Variants in SPTY2D1 observed in about 807,000 individuals in gnomAD.
SPTY2D1 encodes the protein protein SPT2 homolog.
In SPTY2D1, 21 loss-of-function variants were observed where a neutral mutation model predicts 64.0. The observed-to-expected ratio is 0.33, with a 90% CI of 0.23 to 0.47. The LOEUF (loss-of-function observed/expected upper bound fraction) is 0.47, where lower values mean the gene tolerates loss of function less well. Among genes scored for constraint, SPTY2D1 ranks in the 20% least tolerant of loss-of-function variants. SPTY2D1 has a pLI of 1.00. For missense variants in SPTY2D1, 724 were observed against 837.2 expected, an observed-to-expected ratio of 0.86 and a Z score of 1.67; for synonymous variants, 287 against 286.8, an observed-to-expected ratio of 1.00 and a Z score of -0.01.
chr11:18,619,456 TAAAAAAAAAA>T (rs562811444), intron 1 of SPTY2D1, among the ~76,000 whole-genome samples: 6 of 114,626 alleles, frequency 5.2e-5, no homozygotes, highest in African/African-American at 1.6e-4. Context: ...CTCATCTCTT[TAAAAAAAAAA>T]AAAAAAAAAA....
chr11:18,624,729 T>G (rs1377956869), intron 1 of SPTY2D1, among the ~76,000 whole-genome samples: 1 of 152,248 alleles, frequency 6.6e-6, no homozygotes, highest in Non-Finnish European at 1.5e-5. Flanking sequence ...CCAGGCGTGA[T>G]GGCTCACGTC....
At chr11:18,626,713 A>G (rs893652877) in intron 1 of SPTY2D1, among the ~76,000 whole-genome samples, 2 of 152,350 alleles carry the variant, frequency 1.3e-5, no homozygotes, top group East Asian at 1.9e-4. Flanking sequence ...ATGATGATTA[A>G]ATTAATATAT....
chr11:18,625,369 T>A (rs1190888704), intron 1 of SPTY2D1, among the ~76,000 whole-genome samples: 1 of 152,204 alleles, frequency 6.6e-6, no homozygotes, highest in African/African-American at 2.4e-5. Flanking sequence ...TACAAAAACA[T>A]ACCTGATTAT....
At chr11:18,618,213 A>G (rs1263464654) in intron 1 of SPTY2D1, among the ~76,000 whole-genome samples, 1 of 152,196 alleles carries the variant, frequency 6.6e-6, no homozygotes, top group South Asian at 2.1e-4. Context: ...GCAAAAAAGC[A>G]TTTCAAAAAA....
In SPTY2D1 at chr11:18,607,075, C is replaced by T. The variant is rs1055868641; in HGVS notation, c.*2786G>A. 5.1e-5 allele frequency: 11 copies of T among 215,980 alleles called. No homozygotes were observed. The highest frequency in any genetic ancestry group is 4.5e-4 in the Admixed American group (7 of 15,598). The allele number at this position is 215,980 out of a possible 1,614,324, so 13.4% of individuals were successfully genotyped here. ...GGGGTCTCACACCATGTTGGCCAGG[C>T]TGGTCTCGAACTCCTGGTCTCAAGT... On this transcript the variant is annotated 3_prime_UTR_variant, in exon 6 of 6. Coordinates refer to ENST00000336349, the MANE Select transcript of SPTY2D1 (RefSeq NM_194285.3).
At position 18,615,451 on chromosome 11, in the gene SPTY2D1, G is replaced by A; in HGVS notation, c.823C>T (p.Leu275Phe). The change falls in exon 3 of 6, where the codon CTC (leucine) becomes TTC (phenylalanine). Residue 275 changes from leucine (L) to phenylalanine (F), a missense_variant. By Grantham distance (22) the Leu-to-Phe change is conservative. This residue lies in a region of SPTY2D1 where 426 missense variants were observed against 431.8 expected (regional missense o/e 0.99). Coordinates refer to ENST00000336349, the MANE Select transcript of SPTY2D1 (RefSeq NM_194285.3). ...ATGGATTTGGATGAAGACAAAGCGA[G>A]GTGTTTCTCATTGGCCATGCTGGGT... ...SRPSMANEKH[L>F]ALSSSKSMPG... is the part of the protein sequence containing the mutation. The A allele has an allele frequency of 6.2e-7, 1 of 1,614,168 alleles. No homozygotes were observed. Among genetic ancestry groups the A allele is most frequent in the Non-Finnish European group, 8.5e-7 (1 of 1,180,034 alleles).
At chr11:18,624,866 C>T (rs1026099279) in intron 1 of SPTY2D1, among the ~76,000 whole-genome samples, 2 of 152,008 alleles carry the variant, frequency 1.3e-5, no homozygotes, top group African/African-American at 2.4e-5. Flanking sequence ...GGCGGGATGG[C>T]GCATTGCCTG....
At chr11:18,613,374 TAC>T (rs1449353176) in intron 3 of SPTY2D1, among the ~76,000 whole-genome samples, 1 of 152,264 alleles carries the variant, frequency 6.6e-6, no homozygotes, top group African/African-American at 2.4e-5. Flanking sequence ...AGTTTTTGAT[TAC>T]AGACACTTCT....
At chr11:18,610,198 A>C (rs911035396) in intron 5 of SPTY2D1, 6 of 410,438 alleles carry the variant, frequency 1.5e-5, no homozygotes, top group African/African-American at 1.2e-4. Context: ...TAAAATAATA[A>C]AATATAGGTT....
intron 2 of SPTY2D1, 90 bp downstream of exon 2, chr11:18,616,785 T>TA (rs1453262318): frequency 8.0e-7 from 1 of 1,248,700 alleles, no homozygotes; most frequent in Non-Finnish European, 1.1e-6. Context: ...GTTGGCCTGT[T>TA]ATGTTTTTAT....
At chr11:18,627,808 G>A (rs1289353000) in intron 1 of SPTY2D1, among the ~76,000 whole-genome samples, 2 of 151,900 alleles carry the variant, frequency 1.3e-5, no homozygotes, top group Non-Finnish European at 2.9e-5. Flanking sequence ...GAGCCCGCGA[G>A]GCGGAGCTTG....
At chr11:18,610,281 TC>T (rs1854179402) in intron 5 of SPTY2D1, 1 of 205,560 alleles carries the variant, frequency 4.9e-6, no homozygotes, top group African/African-American at 2.3e-5. Context: ...CTTGTTCTCT[TC>T]CAACACTTTA....
intron 2 of SPTY2D1, 146 bp downstream of exon 2, chr11:18,616,729 C>A: frequency 1.9e-6 from 1 of 519,168 alleles, no homozygotes. Context: ...GTCAGTTAAC[C>A]TGGACACACA....
rs969174823 is a variant in SPTY2D1, at chr11:18,612,192, C to A, written c.1886+122G>T. 3.1e-6 allele frequency: 2 copies of A among 648,214 alleles called. No homozygotes were observed. The highest frequency in any genetic ancestry group is 6.1e-5 in the South Asian group (2 of 32,582). 40.2% of individuals were successfully genotyped at this position (648,214 alleles called of 1,614,324 possible). ...AGTACGTTTATTTAAATAACAATCACCCAAGGGTTCCTAATTAAGAATTGT... is the reference window on the plus strand; with the variant it reads ...AGTACGTTTATTTAAATAACAATCAACCAAGGGTTCCTAATTAAGAATTGT... On this transcript the variant is annotated intron_variant, in intron 4 of 5. Coordinates refer to ENST00000336349, the MANE Select transcript of SPTY2D1 (RefSeq NM_194285.3). The surrounding 1 kb of genome is among the most constrained non-coding windows in gnomAD (Gnocchi z 4.6).
chr11:18,623,611 C>G (rs1272211126), intron 1 of SPTY2D1, among the ~76,000 whole-genome samples: 1 of 152,148 alleles, frequency 6.6e-6, no homozygotes, highest in Non-Finnish European at 1.5e-5. Context: ...TGGGTCTCAT[C>G]CAATCATGCC....
chr11:18,607,509 GAATT>G lies in SPTY2D1; in HGVS notation c.*2348_*2351del, dbSNP rs1854128531. ...CCCAAAAGGCACATCTTCAAATGTT[GAATT>G]AAGAAAATCCAAAAATCAAAACAGT... On this transcript the variant is annotated 3_prime_UTR_variant, in exon 6 of 6. Coordinates refer to ENST00000336349, the MANE Select transcript of SPTY2D1 (RefSeq NM_194285.3). 6.6e-6 allele frequency: 1 copy of G among 152,598 alleles called. No individual in the cohort carries two copies. The highest frequency in any genetic ancestry group is 2.4e-5 in the African/African-American group (1 of 41,502). The allele number at this position is 152,598 out of a possible 1,614,324, so 9.5% of individuals were successfully genotyped here.
intron 1 of SPTY2D1, among the ~76,000 whole-genome samples, chr11:18,633,033 T>G (rs1322021680): frequency 6.6e-6 from 1 of 152,198 alleles, no homozygotes; most frequent in Non-Finnish European, 1.5e-5. Flanking sequence ...ACCTTCAACA[T>G]GCAAAGCTTA....
chr11:18,623,582 C>G (rs1479934580), intron 1 of SPTY2D1, among the ~76,000 whole-genome samples: 1 of 152,206 alleles, frequency 6.6e-6, no homozygotes, highest in Admixed American at 6.5e-5. Flanking sequence ...GTAAAGAATA[C>G]TACCCTCCAT....
In SPTY2D1 at chr11:18,606,673, AT is replaced by A; in HGVS notation, c.*3187del. 1 of 408,408 alleles carries A rather than the reference AT, an allele frequency of 2.4e-6. No homozygotes were observed. The highest frequency in any genetic ancestry group is 4.7e-6 in the Non-Finnish European group (1 of 213,254). 25.3% of individuals were successfully genotyped at this position (408,408 alleles called of 1,614,324 possible). Reference sequence around the variant, plus strand: ...CAGAAAATAAATAGTAGTCTAATATATTCAATACATTGAAAATAAAACAACC... The same window carrying A: ...CAGAAAATAAATAGTAGTCTAATATATCAATACATTGAAAATAAAACAACC... On this transcript the variant is annotated 3_prime_UTR_variant, in exon 6 of 6. Coordinates refer to ENST00000336349, the MANE Select transcript of SPTY2D1 (RefSeq NM_194285.3).
Sources: allele counts gnomAD v4.1 joint callset (sites outside exome capture counted in the v4.1 genomes callset), GRCh38; gene constraint gnomAD v4.1.1; regional missense constraint gnomAD v4.1.1; non-coding constraint Gnocchi (gnomAD v3.1); transcripts MANE v1.5; gene names NCBI Gene and HGNC (gene_info 2026-07-23, HGNC 2026-07-21).